The following ETV6 variants were observed in gnomAD, a reference collection of about 807,000 sequenced individuals.
ETV6 encodes the protein transcription factor ETV6.
A neutral mutation model predicts 51.1 loss-of-function variants in ETV6; 16 were observed. The observed-to-expected ratio is 0.31, with a 90% CI of 0.21 to 0.48. ETV6 has a LOEUF of 0.48. Among genes scored for constraint, ETV6 ranks in the 20% least tolerant of loss-of-function variants. The probability of loss-of-function intolerance (pLI) is 0.99; values close to 1 mark genes in which losing one functional copy is unlikely to be tolerated. For missense variants in ETV6, 458 were observed against 594.8 expected (o/e 0.77, Z 2.39); for synonymous variants, 240 against 224.1 (o/e 1.07, Z -0.64).
chr12:11,859,707 A>G (rs1467515009), intron 4 of ETV6, among the ~76,000 whole-genome samples: 1 of 152,206 alleles, frequency 6.6e-6, no homozygotes, highest in Non-Finnish European at 1.5e-5. Context: ...ACTGCGCAGA[A>G]TGAGGAGACC....
At chr12:11,688,542 C>A (rs1864681573) in intron 1 of ETV6, among the ~76,000 whole-genome samples, 1 of 152,226 alleles carries the variant, frequency 6.6e-6, no homozygotes, top group Non-Finnish European at 1.5e-5. Context: ...TGGTGATAAG[C>A]TGGGCTTCCC....
At chr12:11,820,499 C>T (rs1406532201) in intron 2 of ETV6, among the ~76,000 whole-genome samples, 2 of 152,064 alleles carry the variant, frequency 1.3e-5, no homozygotes, top group African/African-American at 4.8e-5. Context: ...AGTCTGAGAA[C>T]AGATATGCGA....
chr12:11,796,640 A>T (rs770043823), intron 2 of ETV6, among the ~76,000 whole-genome samples: 3 of 152,212 alleles, frequency 2.0e-5, no homozygotes, highest in Non-Finnish European at 4.4e-5. Context: ...TCCGCTGTGC[A>T]CTGTCCATGC....
Position 11,869,488 on chromosome 12 carries a change from T to C in ETV6, c.528T>C (p.Ile176=). The change falls in exon 5 of 8, where the codon ATT becomes ATC. Residue 176 remains isoleucine, a synonymous_variant. Transcript: ENST00000396373. This position sits in a 1 kb window ranked among gnomAD's most constrained non-coding sequence, Gnocchi z 5.0. The part of the protein sequence containing the change: ...VDNVHHNPPT[I]ELLHRSRSPI... ...ATGTGCACCATAACCCTCCCACCATTGAACTGTTGCACCGCTCCAGGTCAC... is the reference window on the plus strand; with the variant it reads ...ATGTGCACCATAACCCTCCCACCATCGAACTGTTGCACCGCTCCAGGTCAC... 2 of 1,614,050 alleles carry C rather than the reference T, an allele frequency of 1.2e-6. No homozygotes were observed. Among genetic ancestry groups the C allele is most frequent in the Non-Finnish European group, 8.5e-7 (1 of 1,180,012 alleles).
At chr12:11,759,758 A>G (rs1684631930) in intron 2 of ETV6, among the ~76,000 whole-genome samples, 2 of 112,680 alleles carry the variant, frequency 1.8e-5, no homozygotes, top group South Asian at 8.5e-4. Flanking sequence ...GGCAGGTGTG[A>G]TAAAGGTTCA....
rs138952616 is a variant in ETV6, at chr12:11,727,622, G to A, written c.34-24828G>A. Among the ~76,000 whole-genome samples the A allele has an allele frequency of 9.6e-3, 1,458 of 152,190 alleles. 18 individuals carry two copies. The highest frequency in any genetic ancestry group is 0.027 in the Middle Eastern group (8 of 294). On this transcript the variant is annotated intron_variant, in intron 1 of 7. Coordinates refer to ENST00000396373, the MANE Select transcript of ETV6 (RefSeq NM_001987.5). ...CTAGTTAAGAGGCTTGATTAAAAGC[G>A]TGGGGGGAATGGATCTGTGACGTAC...
intron 1 of ETV6, among the ~76,000 whole-genome samples, chr12:11,731,177 A>G (rs1865589001): frequency 6.6e-6 from 1 of 152,230 alleles, no homozygotes; most frequent in African/African-American, 2.4e-5. Context: ...AAGTCTAGAA[A>G]GGCAGGTTTT....
chr12:11,874,570 GTACACATA>G (rs1591740471), intron 5 of ETV6, among the ~76,000 whole-genome samples: 2 of 636 alleles, frequency 3.1e-3, no homozygotes, highest in East Asian at 0.5. Context: ...ATGTGCGTGT[GTACACATA>G]TATGTGTGTA....
intron 5 of ETV6, among the ~76,000 whole-genome samples, chr12:11,872,494 CTTTTTTTT>C (rs10528272): frequency 1.4e-5 from 2 of 142,746 alleles, no homozygotes; most frequent in East Asian, 2.0e-4. Flanking sequence ...AATTATATTA[CTTTTTTTT>C]TTTTTTTTTT....
At position 11,722,918 on chromosome 12, in the gene ETV6, A is replaced by C. The variant is rs1435016229; in HGVS notation, c.34-29532A>C. Among the ~76,000 whole-genome samples the C allele has an allele frequency of 2.6e-5, 4 of 152,170 alleles. No individual in the cohort carries two copies. The East Asian group carries it at 7.7e-4, about 29-fold the overall frequency. On this transcript the variant is annotated intron_variant, in intron 1 of 7. Coordinates refer to ENST00000396373, the MANE Select transcript of ETV6 (RefSeq NM_001987.5). ...AACAGTTGCTGGGCCGTTCTCTCAG[A>C]GTTTCTGATTTGGTAGGACTGGGGT...
chr12:11,803,474 A>G (rs1367097846), intron 2 of ETV6, among the ~76,000 whole-genome samples: 1 of 152,222 alleles, frequency 6.6e-6, no homozygotes, highest in Non-Finnish European at 1.5e-5. Context: ...GTTAAAAATT[A>G]TGTGAATTTT....
intron 2 of ETV6, among the ~76,000 whole-genome samples, chr12:11,810,671 C>G (rs576981277): frequency 6.6e-6 from 1 of 152,370 alleles, no homozygotes; most frequent in Admixed American, 6.5e-5. Flanking sequence ...ATTTTCCTCT[C>G]TGTTCCTGAT....
intron 3 of ETV6, among the ~76,000 whole-genome samples, chr12:11,848,446 T>G (rs1226296436): frequency 6.6e-6 from 1 of 152,328 alleles, no homozygotes; most frequent in Admixed American, 6.5e-5. Context: ...CCTCAGACAT[T>G]AGTAAGATTG....
chr12:11,752,331 C>G, intron 1 of ETV6, 119 bp from the exon 2 acceptor site: 5 of 1,011,640 alleles, frequency 4.9e-6, no homozygotes, highest in Non-Finnish European at 7.4e-6. Flanking sequence ...GCTTGGGAAG[C>G]TGGTACTGCC....
In ETV6 at chr12:11,719,933, A is replaced by G. The variant is rs972011701; in HGVS notation, c.34-32517A>G. On this transcript the variant is annotated intron_variant, in intron 1 of 7. Coordinates refer to ENST00000396373, the MANE Select transcript of ETV6 (RefSeq NM_001987.5). The stretch of plus-strand genomic sequence containing the variant: ...CTGCTGTCTGGGCTCCGGCACAGTC[A>G]TTGGCTCTGAGTCATCCGGGAAGGA... Among the ~76,000 whole-genome samples, 7 of 152,262 alleles carry G rather than the reference A, an allele frequency of 4.6e-5. No individual in the cohort carries two copies. The South Asian group carries it at 1.2e-3, about 27-fold the overall frequency.
intron 3 of ETV6, chr12:11,840,392 G>A: frequency 2.2e-6 from 1 of 455,994 alleles, no homozygotes; most frequent in Non-Finnish European, 4.4e-6. Context: ...TGTGGTCTCA[G>A]GTTTATGCCT....
At chr12:11,692,566 G>A (rs975074667) in intron 1 of ETV6, among the ~76,000 whole-genome samples, 2 of 151,990 alleles carry the variant, frequency 1.3e-5, no homozygotes, top group African/African-American at 4.8e-5. Flanking sequence ...TTCTTTGCAG[G>A]TAAAGCCATG....
intron 1 of ETV6, among the ~76,000 whole-genome samples, chr12:11,682,576 C>T (rs962946996): frequency 6.6e-6 from 1 of 152,140 alleles, no homozygotes; most frequent in Admixed American, 6.6e-5. Flanking sequence ...TAATTAGATC[C>T]CATTTGTCAA....
At chr12:11,673,650 A>G (rs1187238803) in intron 1 of ETV6, among the ~76,000 whole-genome samples, 2 of 152,152 alleles carry the variant, frequency 1.3e-5, no homozygotes, top group Non-Finnish European at 2.9e-5. Flanking sequence ...GGCCCTCCGA[A>G]TGTCATCTTT....
Sources: allele counts gnomAD v4.1 joint callset (sites outside exome capture counted in the v4.1 genomes callset), GRCh38; gene constraint gnomAD v4.1.1; non-coding constraint Gnocchi (gnomAD v3.1); transcripts MANE v1.5; gene names NCBI Gene and HGNC (gene_info 2026-07-23, HGNC 2026-07-21).